The following ZNF385D variants were observed in gnomAD, a reference collection of about 807,000 sequenced individuals.
ZNF385D encodes zinc finger protein 385D.
A neutral mutation model predicts 35.8 loss-of-function variants in ZNF385D; 15 were observed. The ratio of observed to expected loss-of-function variants is 0.42; its 90% CI spans 0.28 to 0.64. ZNF385D has a LOEUF of 0.64. Ranked by LOEUF, ZNF385D falls within the 30% of genes least tolerant of loss-of-function variation. The pLI, the probability that ZNF385D is intolerant of heterozygous loss-of-function variation, is 0.23. For missense variants in ZNF385D, 474 were observed against 494.6 expected (o/e 0.96, Z 0.39); for synonymous variants, 212 against 186.8 (o/e 1.13, Z -1.10).
chr3:21,637,216 G>T (rs1286826804), intron 2 of ZNF385D, among the ~76,000 whole-genome samples: 2 of 152,066 alleles, frequency 1.3e-5, no homozygotes, highest in African/African-American at 2.4e-5. Flanking sequence ...TTAACTTACA[G>T]AATTTTTATA....
At chr3:22,369,509 G>C (rs1186708374) in intron 2 of ZNF385D, among the ~76,000 whole-genome samples, 2 of 152,062 alleles carry the variant, frequency 1.3e-5, no homozygotes, top group Non-Finnish European at 2.9e-5. Context: ...AAGTTATTAT[G>C]AGACATGTAG....
intron 3 of ZNF385D, among the ~76,000 whole-genome samples, chr3:22,030,250 C>CTCAT: frequency 2.0e-5 from 1 of 48,950 alleles, no homozygotes; most frequent in Non-Finnish European, 3.6e-5. Context: ...ACTTAATAAA[C>CTCAT]TCATTCATAT....
At chr3:22,036,563 T>A (rs901954672) in intron 3 of ZNF385D, among the ~76,000 whole-genome samples, 2 of 152,084 alleles carry the variant, frequency 1.3e-5, no homozygotes, top group African/African-American at 2.4e-5. Flanking sequence ...AATGAATTTT[T>A]TTTTAGGAAA....
intron 2 of ZNF385D, among the ~76,000 whole-genome samples, chr3:21,588,113 C>A (rs182661616): frequency 3.9e-5 from 6 of 152,014 alleles, no homozygotes; most frequent in Non-Finnish European, 8.8e-5. Flanking sequence ...GTGGGGATGA[C>A]AAATGTATGT....
chr3:22,101,393 G>T (rs559424994), intron 3 of ZNF385D, among the ~76,000 whole-genome samples: 1 of 152,064 alleles, frequency 6.6e-6, no homozygotes, highest in Non-Finnish European at 1.5e-5. Flanking sequence ...AGCAAAGGAT[G>T]CAAGTTCACT....
intron 3 of ZNF385D, among the ~76,000 whole-genome samples, chr3:21,981,919 T>A (rs980311069): frequency 6.6e-6 from 1 of 152,174 alleles, no homozygotes; most frequent in Non-Finnish European, 1.5e-5. Flanking sequence ...TCCATTGGTT[T>A]ACATGCCTGT....
chr3:22,049,151 G>T (rs1210300307), intron 3 of ZNF385D, among the ~76,000 whole-genome samples: 1 of 151,836 alleles, frequency 6.6e-6, no homozygotes, highest in South Asian at 2.1e-4. Flanking sequence ...ACAAAAATTA[G>T]CTGGGCATGG....
chr3:21,576,225 G>C (rs1200259710), intron 2 of ZNF385D, among the ~76,000 whole-genome samples: 1 of 152,164 alleles, frequency 6.6e-6, no homozygotes, highest in African/African-American at 2.4e-5. Flanking sequence ...ACCCACAGTG[G>C]TCCCTTGAGG....
rs533352655 is a variant in ZNF385D, at chr3:21,450,294, A to G, written c.440-13091T>C. Among the ~76,000 whole-genome samples, 5 of 152,302 alleles carry G rather than the reference A, an allele frequency of 3.3e-5. No individual in the cohort carries two copies. In the South Asian group the frequency reaches 1.0e-3, roughly 32 times the overall value. On this transcript the variant is annotated intron_variant, in intron 4 of 7. Transcript: ENST00000281523. ...AACTGTGCAAAGAGAGCAAGGACTC[A>G]TGCTTTTTCTTTTTTCCTCCTCCTC...
chr3:22,319,943 T>C (rs1289288881), intron 2 of ZNF385D, among the ~76,000 whole-genome samples: 1 of 152,160 alleles, frequency 6.6e-6, no homozygotes, highest in Non-Finnish European at 1.5e-5. Context: ...AACATCTTAC[T>C]ATTTATTATT....
Position 21,731,986 on chromosome 3 carries a change from C to G in ZNF385D, c.22+18909G>C, listed in dbSNP as rs149867524. 3.9e-3 allele frequency among the ~76,000 whole-genome samples: 529 copies of G among 134,200 alleles called. 3 individuals carry two copies. The highest frequency in any genetic ancestry group is 6.6e-3 in the Non-Finnish European group (422 of 64,056). The allele number at this position is 134,200 out of a possible 152,430, so 88.0% of individuals were successfully genotyped here. ...TCTTAGTTGCTTCCAAGTTTTGGCA[C>G]TTATGAATAAAGCTTCTATTCAGGG... On this transcript the variant is annotated intron_variant, in intron 1 of 7. Transcript: ENST00000281523.
intron 2 of ZNF385D, among the ~76,000 whole-genome samples, chr3:22,219,923 T>C (rs1698150362): frequency 6.6e-6 from 1 of 152,250 alleles, no homozygotes; most frequent in Non-Finnish European, 1.5e-5. Context: ...TCAGATCCTC[T>C]TTTCTCAATA....
rs546836317 is a variant in ZNF385D, at chr3:22,108,379, G to C, written c.325+60438C>G. ...GAAAGGTTTTTTTTGTTTTTTTTTTGCATGATCTGTCAAAACACAAAACTT... is the reference window on the plus strand; with the variant it reads ...GAAAGGTTTTTTTTGTTTTTTTTTTCCATGATCTGTCAAAACACAAAACTT... On this transcript the variant is annotated intron_variant, in intron 3 of 5. Coordinates refer to the ZNF385D transcript ENST00000494108. Among the ~76,000 whole-genome samples, 57 of 141,576 alleles carry C rather than the reference G, an allele frequency of 4.0e-4. No individual in the cohort carries two copies. In the South Asian group the frequency reaches 7.0e-3, roughly 17 times the overall value. The allele number at this position is 141,576 out of a possible 152,430, so 92.9% of individuals were successfully genotyped here.
intron 3 of ZNF385D, among the ~76,000 whole-genome samples, chr3:21,801,970 C>T (rs996385526): frequency 1.3e-5 from 2 of 152,048 alleles, no homozygotes; most frequent in African/African-American, 4.8e-5. Context: ...TGTATTAAAA[C>T]ATAAACAATT....
chr3:21,690,340 G>A (rs1177508984), intron 1 of ZNF385D, among the ~76,000 whole-genome samples: 1 of 152,110 alleles, frequency 6.6e-6, no homozygotes, highest in African/African-American at 2.4e-5. Flanking sequence ...TATCTGGAAT[G>A]CATATGTAAT....
chr3:21,805,200 G>A (rs1426924180), intron 3 of ZNF385D, among the ~76,000 whole-genome samples: 1 of 152,190 alleles, frequency 6.6e-6, no homozygotes, highest in Non-Finnish European at 1.5e-5. Flanking sequence ...GTTGTCTGTT[G>A]TATAGCATTG....
At chr3:21,580,403 A>G (rs2063620215) in intron 2 of ZNF385D, among the ~76,000 whole-genome samples, 1 of 152,222 alleles carries the variant, frequency 6.6e-6, no homozygotes. Flanking sequence ...AAATGTCACA[A>G]AATTAAAGTT....
chr3:21,538,191 G>C (rs777679322), intron 3 of ZNF385D, among the ~76,000 whole-genome samples: 2 of 152,036 alleles, frequency 1.3e-5, no homozygotes, highest in Admixed American at 6.5e-5. Flanking sequence ...TTAGGTATGA[G>C]GAATCTATTA....
chr3:21,817,577 C>T (rs1364171280), intron 3 of ZNF385D, among the ~76,000 whole-genome samples: 2 of 152,132 alleles, frequency 1.3e-5, no homozygotes, highest in East Asian at 3.9e-4. Context: ...TGAAAAAATG[C>T]TCATCATCAC....
Sources: allele counts gnomAD v4.1 joint callset (sites outside exome capture counted in the v4.1 genomes callset), GRCh38; gene constraint gnomAD v4.1.1; transcripts MANE v1.5; gene names NCBI Gene and HGNC (gene_info 2026-07-23, HGNC 2026-07-21).